FARS2: variants seen among roughly 807,000 people sequenced by gnomAD.
The protein encoded by FARS2 is phenylalanyl-tRNA synthetase 2, mitochondrial.
In FARS2, 40 loss-of-function variants were observed where a neutral mutation model predicts 46.4. That is an observed-to-expected ratio of 0.86 (90% CI 0.67 to 1.12). The LOEUF is 1.12. Ranked by LOEUF, FARS2 falls within the 50% of genes most tolerant of loss-of-function variation. FARS2 has a pLI of 0.00. For synonymous variants in FARS2, 234 were observed against 214.9 expected (o/e 1.09, Z -0.78); for missense variants, 513 against 567.9 (o/e 0.90, Z 0.98).
chr6:5,652,041 C>T (rs1336599466), intron 6 of FARS2, among the ~76,000 whole-genome samples: 2 of 152,058 alleles, frequency 1.3e-5, no homozygotes, highest in Non-Finnish European at 2.9e-5. Context: ...GAACAGGTAA[C>T]AGTGTGAAAG....
chr6:5,418,500 C>T (rs993328690), intron 3 of FARS2, among the ~76,000 whole-genome samples: 1 of 152,152 alleles, frequency 6.6e-6, no homozygotes, highest in African/African-American at 2.4e-5. Context: ...TGAGGTTTTC[C>T]CCTTGGCTGT....
At chr6:5,407,876 A>G (rs902771927) in intron 3 of FARS2, among the ~76,000 whole-genome samples, 41 of 152,178 alleles carry the variant, frequency 2.7e-4, no homozygotes, top group African/African-American at 9.7e-4. Context: ...ATGCAGGGAG[A>G]TGGATTGAGC....
chr6:5,554,431 C>T (rs992898384), intron 5 of FARS2, among the ~76,000 whole-genome samples: 5 of 152,110 alleles, frequency 3.3e-5, no homozygotes, highest in Admixed American at 3.3e-4. Context: ...TGCCTAGAGT[C>T]CCAGGGAAAA....
At chr6:5,439,818 G>T in intron 4 of FARS2, among the ~76,000 whole-genome samples, 1 of 152,266 alleles carries the variant, frequency 6.6e-6, no homozygotes, top group Middle Eastern at 3.4e-3. Flanking sequence ...ACTCTGGCTC[G>T]CTTCCTTCCT....
Position 5,373,000 on chromosome 6 carries a change from C to G in FARS2, c.612+3818C>G, listed in dbSNP as rs146689173. On this transcript the variant is annotated intron_variant, in intron 2 of 6. Coordinates refer to ENST00000274680, the MANE Select transcript of FARS2 (RefSeq NM_006567.5). ...CAAATTGAGAGAGCAACTAGAATAG[C>G]AAAACCAAATACCGCAGACAACATC... Among the ~76,000 whole-genome samples the G allele has an allele frequency of 1.3e-3, 195 of 152,186 alleles. 5 individuals carry two copies. The East Asian group carries it at 0.035, about 27-fold the overall frequency.
At chr6:5,291,670 A>G (rs966284757) in intron 1 of FARS2, among the ~76,000 whole-genome samples, 29 of 152,162 alleles carry the variant, frequency 1.9e-4, no homozygotes, top group African/African-American at 7.0e-4. Context: ...TAGAGAGGCT[A>G]AGACGGGAGT....
At chr6:5,281,994 T>G (rs17140068) in intron 1 of FARS2, among the ~76,000 whole-genome samples, 23,846 of 152,204 alleles carry the variant, frequency 0.16, 2,081 homozygotes, top group African/African-American at 0.18. Context: ...TACTCCAAAC[T>G]TTACCAGTCT....
At chr6:5,640,508 C>G (rs1331284970) in intron 6 of FARS2, among the ~76,000 whole-genome samples, 1 of 152,182 alleles carries the variant, frequency 6.6e-6, no homozygotes, top group Non-Finnish European at 1.5e-5. Context: ...GGTTTGCTCA[C>G]ATAGTTACTG....
intron 4 of FARS2, among the ~76,000 whole-genome samples, chr6:5,491,427 C>CATACTT (rs1319535220): frequency 1.3e-5 from 2 of 152,144 alleles, no homozygotes; most frequent in African/African-American, 4.8e-5. Flanking sequence ...GCATTTCGAT[C>CATACTT]ATACTTAGCT....
At chr6:5,504,057 A>T (rs528329029) in intron 4 of FARS2, among the ~76,000 whole-genome samples, 10 of 152,344 alleles carry the variant, frequency 6.6e-5, no homozygotes, top group African/African-American at 2.4e-4. Flanking sequence ...CAGCTAGAAG[A>T]TATTGCCGTA....
chr6:5,365,082 A>T (rs1248887963), intron 1 of FARS2, among the ~76,000 whole-genome samples: 1 of 151,476 alleles, frequency 6.6e-6, no homozygotes, highest in African/African-American at 2.4e-5. Context: ...AAAAAAAAAA[A>T]CCCCAAACAG....
chr6:5,267,757 A>G (rs1765650454), intron 1 of FARS2, among the ~76,000 whole-genome samples: 1 of 151,994 alleles, frequency 6.6e-6, no homozygotes, highest in African/African-American at 2.4e-5. Flanking sequence ...GTCTCAAAAA[A>G]AAAAAAAAAA....
At chr6:5,639,072 G>C (rs779336880) in intron 6 of FARS2, among the ~76,000 whole-genome samples, 2 of 152,234 alleles carry the variant, frequency 1.3e-5, no homozygotes, top group Non-Finnish European at 2.9e-5. Flanking sequence ...TGATGTAGTA[G>C]AAAGAGACCT....
In FARS2 at chr6:5,622,149, A is replaced by G. The variant is rs114134769; in HGVS notation, c.1217+8829A>G. ...CCGTTGGGTTAAGAATCCATTGTCAATCTCACTAGGGGCCACTTATAAAAC... is the reference window on the plus strand; with the variant it reads ...CCGTTGGGTTAAGAATCCATTGTCAGTCTCACTAGGGGCCACTTATAAAAC... On this transcript the variant is annotated intron_variant, in intron 6 of 6. Transcript: ENST00000274680. Among the ~76,000 whole-genome samples the G allele has an allele frequency of 6.3e-3, 963 of 152,274 alleles. 14 individuals are homozygous for G. The highest frequency in any genetic ancestry group is 0.022 in the African/African-American group (897 of 41,550).
In FARS2 at chr6:5,385,427, C is replaced by CT. The variant is rs5873979; in HGVS notation, c.612+16258dup. On this transcript the variant is annotated intron_variant, in intron 2 of 6. Transcript: ENST00000274680. The stretch of plus-strand genomic sequence containing the variant: ...GGAGTTTCTTTTCTTTTTTTCTTTT[C>CT]TTTTTTTTTTTTTGAGACGGGGTCT... 4.3e-3 allele frequency among the ~76,000 whole-genome samples: 607 copies of CT among 142,766 alleles called. 6 individuals are homozygous for CT. The highest frequency in any genetic ancestry group is 0.013 in the African/African-American group (514 of 38,248). The allele number at this position is 142,766 out of a possible 152,430, so 93.7% of individuals were successfully genotyped here.
chr6:5,297,663 A>T (rs200726646), intron 1 of FARS2, among the ~76,000 whole-genome samples: 1 of 31,346 alleles, frequency 3.2e-5, no homozygotes, highest in Non-Finnish European at 7.2e-5. Context: ...GCAAAAAAAT[A>T]AAAAAAAACC....
intron 4 of FARS2, among the ~76,000 whole-genome samples, chr6:5,474,301 C>T: frequency 6.6e-6 from 1 of 152,102 alleles, no homozygotes; most frequent in East Asian, 1.9e-4. Context: ...GGGCAGTGTA[C>T]CGGGTACTTG....
chr6:5,632,742 T>C (rs537439199), intron 6 of FARS2, among the ~76,000 whole-genome samples: 2 of 152,234 alleles, frequency 1.3e-5, no homozygotes, highest in South Asian at 2.1e-4. Flanking sequence ...TAAATGATGT[T>C]GAACATCTTT....
At chr6:5,404,469 C>T in intron 2 of FARS2, 73 bp from the exon 3 acceptor site, 1 of 1,016,868 alleles carries the variant, frequency 9.8e-7, no homozygotes, top group Non-Finnish European at 1.4e-6. Context: ...AGATTCTTAG[C>T]AGAATTTTAA....
Sources: gnomAD v4.1 joint callset for allele counts (sites outside exome capture counted in the v4.1 genomes callset) on GRCh38, gnomAD v4.1.1 for gene constraint, MANE v1.5 for transcripts, NCBI Gene and HGNC (gene_info 2026-07-23, HGNC 2026-07-21) for gene names.